Variants in SH3BP1 observed in about 807,000 individuals in gnomAD.
SH3BP1 encodes the protein SH3 domain binding protein 1.
SH3BP1 carries 46 observed loss-of-function variants against 69.8 expected under a neutral mutation model. The observed-to-expected ratio is 0.66, with a 90% CI of 0.52 to 0.84. The LOEUF is 0.84. Among genes scored for constraint, SH3BP1 ranks in the 40% least tolerant of loss-of-function variants. The pLI is 0.00. For synonymous variants in SH3BP1, 403 were observed against 378.0 expected, an observed-to-expected ratio of 1.07 and a Z score of -0.77; for missense variants, 868 against 930.9, an observed-to-expected ratio of 0.93 and a Z score of 0.88.
chr22:37,651,798 C>T (rs199799993), intron 16 of SH3BP1, among the ~76,000 whole-genome samples: 47 of 151,948 alleles, frequency 3.1e-4, no homozygotes, highest in African/African-American at 1.1e-3. Flanking sequence ...GAGAGAGAGA[C>T]AGCATCAAGC....
chr22:37,654,700 G>C (rs148520587), intron 17 of SH3BP1, among the ~76,000 whole-genome samples: 121 of 152,340 alleles, frequency 7.9e-4, no homozygotes, highest in African/African-American at 2.8e-3. Context: ...AGCTGACCAG[G>C]TGAGAGAGTG....
At position 37,643,106 on chromosome 22, in the gene SH3BP1, G is replaced by A; in HGVS notation, c.405G>A (p.Leu135=). 6.2e-7 allele frequency: 1 copy of A among 1,611,000 alleles called. No individual in the cohort carries two copies. The highest frequency in any genetic ancestry group is 2.2e-5 in the East Asian group (1 of 44,756). Residue 135 remains leucine, a synonymous_variant, in exon 6 of 18, where the codon CTG becomes CTA. Coordinates refer to ENST00000649765, the MANE Select transcript of SH3BP1 (RefSeq NM_018957.6). ...QPLSRLSEEE[L]PAILKHKKSL... Reference sequence around the variant, plus strand: ...CCCATGCCCATCCCCAGGAGGAGCTGCCAGCCATCCTCAAACACAAGAAAA... The same window carrying A: ...CCCATGCCCATCCCCAGGAGGAGCTACCAGCCATCCTCAAACACAAGAAAA...
Position 37,641,112 on chromosome 22 carries a change from A to ACC in SH3BP1, c.60-13_60-12dup. 22 of 666,652 alleles carry ACC rather than the reference A, an allele frequency of 3.3e-5. No individual in the cohort carries two copies. Among genetic ancestry groups the ACC allele is most frequent in the Non-Finnish European group, 4.5e-5 (21 of 462,156 alleles). 41.3% of individuals were successfully genotyped at this position (666,652 alleles called of 1,614,324 possible). ...CAGAAGCACTCTCCCCCCCCCCCCC[A>ACC]CCACTCCCCGCAGCACCCCGGAGAC... On this transcript the variant is annotated splice_polypyrimidine_tract_variant and intron_variant, in intron 1 of 17. Transcript: ENST00000649765.
chr22:37,651,450 C>T (rs147275752), intron 16 of SH3BP1, among the ~76,000 whole-genome samples: 3,728 of 151,828 alleles, frequency 0.025, 67 homozygotes, highest in Non-Finnish European at 0.039. Flanking sequence ...CTGCCTTAGC[C>T]TCCCGAATAG....
intron 10 of SH3BP1, 148 bp from the exon 11 acceptor site, chr22:37,646,670 T>G (rs2146057071): frequency 2.2e-6 from 1 of 445,150 alleles, no homozygotes; most frequent in Non-Finnish European, 4.0e-6. Flanking sequence ...TTGAAGCCCG[T>G]GGACACCGTG....
chr22:37,655,313 CAGGTCTCCGGCT>C lies in SH3BP1; in HGVS notation c.1736_1747del (p.Gln579_Ser583delinsPro). Reference sequence around the variant, plus strand: ...AGCCCGGCCCACCATGCCGCCCCCCCAGGTCTCCGGCTCCCGCTCCTCCCCTCCAGCCCCGCC... The same window carrying C: ...AGCCCGGCCCACCATGCCGCCCCCCCCCCGCTCCTCCCCTCCAGCCCCGCC... On this transcript the variant is annotated inframe_deletion, in exon 18 of 18. Coordinates refer to ENST00000649765, the MANE Select transcript of SH3BP1 (RefSeq NM_018957.6). The C allele has an allele frequency of 1.5e-5, 23 of 1,558,986 alleles. No homozygotes were observed. Among genetic ancestry groups the C allele is most frequent in the South Asian group, 3.5e-5 (3 of 86,590 alleles).
At chr22:37,644,604 C>T in intron 7 of SH3BP1, 33 bp from the exon 8 acceptor site, 1 of 1,609,652 alleles carries the variant, frequency 6.2e-7, no homozygotes, top group African/African-American at 1.3e-5. Context: ...CACAGCCTCA[C>T]CCAACGTAAG....
rs771809512 is a variant in SH3BP1, at chr22:37,641,112, A to G, written c.60-14A>G. On this transcript the variant is annotated splice_polypyrimidine_tract_variant and intron_variant, in intron 1 of 17. Coordinates refer to ENST00000649765, the MANE Select transcript of SH3BP1 (RefSeq NM_018957.6). ...CAGAAGCACTCTCCCCCCCCCCCCC[A>G]CCACTCCCCGCAGCACCCCGGAGAC... 6 of 666,790 alleles carry G rather than the reference A, an allele frequency of 9.0e-6. No individual in the cohort carries two copies. The highest frequency in any genetic ancestry group is 1.3e-5 in the Non-Finnish European group (6 of 462,264). The allele number at this position is 666,790 out of a possible 1,614,324, so 41.3% of individuals were successfully genotyped here. A position where few individuals can be genotyped will look rare whatever the true frequency, so the allele number is the denominator to read the frequency against.
Position 37,648,454 on chromosome 22 carries a change from G to A in SH3BP1, c.1316+19G>A. ...AAGAAGGGTGAGGGGCCGCGGGCTG[G>A]GGGAGGTGGCAGGAGGAAGGCAGAT... On this transcript the variant is annotated intron_variant, in intron 14 of 17. Transcript: ENST00000649765. The A allele has an allele frequency of 6.6e-7, 1 of 1,505,536 alleles. No individual in the cohort carries two copies. Among genetic ancestry groups the A allele is most frequent in the Non-Finnish European group, 9.1e-7 (1 of 1,101,334 alleles). 93.3% of individuals were successfully genotyped at this position (1,505,536 alleles called of 1,614,324 possible).
rs1339242640 is a variant in SH3BP1, at chr22:37,643,055, C to T, written c.397-43C>T. 4 of 1,606,950 alleles carry T rather than the reference C, an allele frequency of 2.5e-6. No individual in the cohort carries two copies. In the Middle Eastern group the frequency reaches 5.0e-4, roughly 199 times the overall value. On this transcript the variant is annotated intron_variant, in intron 5 of 17. Transcript: ENST00000649765. ...CCCCCAGCTTCCCCAGCTTCTGGCT[C>T]CCTCCTCCCCCAGCACACTGACCCC...
Position 37,641,453 on chromosome 22 carries a change from G to C in SH3BP1, c.182G>C (p.Ser61Thr), listed in dbSNP as rs754056040. The C allele has an allele frequency of 1.3e-6, 2 of 1,551,054 alleles. No individual in the cohort carries two copies. The highest frequency in any genetic ancestry group is 2.7e-5 in the African/African-American group (2 of 73,084). ...CTGCAGGCCTGTCTGCAGGGCCAGA[G>C]CGGGGCAGACATGGACAAGCGGGTG... ...KRLQACLQGQ[S>T]GADMDKRVKK... The change falls in exon 3 of 18, where the codon AGC becomes ACC. Residue 61 changes from serine (S) to threonine (T), a missense_variant. By Grantham distance (58) the Ser-to-Thr change is moderately conservative. Transcript: ENST00000649765.
chr22:37,645,959 ACTT>A (rs2146055108), intron 10 of SH3BP1, among the ~76,000 whole-genome samples: 1 of 114,686 alleles, frequency 8.7e-6, no homozygotes, highest in East Asian at 2.5e-4. Flanking sequence ...TCTCCCTTAC[ACTT>A]TTTTTTTTTT....
intron 17 of SH3BP1, among the ~76,000 whole-genome samples, chr22:37,654,806 T>TA (rs1932971059): frequency 2.6e-5 from 4 of 151,468 alleles, no homozygotes; most frequent in Admixed American, 6.6e-5. Context: ...TAGTCTACAG[T>TA]AAAATAAAAA....
intron 6 of SH3BP1, 69 bp from the exon 7 acceptor site, chr22:37,643,575 A>T: frequency 1.3e-6 from 2 of 1,598,934 alleles, no homozygotes; most frequent in Non-Finnish European, 1.7e-6. Flanking sequence ...GGTCTGCTGT[A>T]TGGAGGGGAC....
At position 37,650,147 on chromosome 22, in the gene SH3BP1, C is replaced by T; in HGVS notation, c.1317-5C>T. The T allele has an allele frequency of 6.2e-7, 1 of 1,614,068 alleles. No homozygotes were observed. The highest frequency in any genetic ancestry group is 8.5e-7 in the Non-Finnish European group (1 of 1,180,000). On this transcript the variant is annotated splice_region_variant and splice_polypyrimidine_tract_variant and intron_variant, in intron 14 of 17. Transcript: ENST00000649765. The stretch of plus-strand genomic sequence containing the variant: ...TTGCTGAGCAGATGCATCTCTTTGT[C>T]CCAGGGACCAGGCCCAGCTGGATGC...
At chr22:37,645,175 A>G in intron 9 of SH3BP1, 190 bp from the exon 10 acceptor site, 1 of 869,782 alleles carries the variant, frequency 1.1e-6, no homozygotes, top group Non-Finnish European at 1.7e-6. Context: ...AGAAGGAGGC[A>G]ACGGTGGCCT....
At chr22:37,640,114 T>C (rs1398219449) in intron 1 of SH3BP1, among the ~76,000 whole-genome samples, 1 of 152,144 alleles carries the variant, frequency 6.6e-6, no homozygotes, top group African/African-American at 2.4e-5. Context: ...CTCTCTGCCC[T>C]AGGACGCTGG....
rs370386360 is a variant in SH3BP1, at chr22:37,648,397, C to T, written c.1278C>T (p.Val426=). The T allele has an allele frequency of 2.5e-6, 4 of 1,568,646 alleles. No homozygotes were observed. The highest frequency in any genetic ancestry group is 3.5e-6 in the Non-Finnish European group (4 of 1,156,140). The change falls in exon 14 of 18, where the codon GTC becomes GTT. Residue 426 remains valine, a synonymous_variant. Transcript: ENST00000649765. ...NKMTPSNIAI[V]LGPNLLWPPE... is the part of the protein sequence containing the mutation. The stretch of plus-strand genomic sequence containing the variant: ...TGACACCCAGCAACATCGCCATAGT[C>T]CTGGGACCCAACTTGCTGTGGCCAC...
chr22:37,655,720 C>T lies in SH3BP1; in HGVS notation c.*36C>T, dbSNP rs1432174167. ...TCTCCCTAAGCAGCCCTCAGCACCC[C>T]CTCCCTCCCCACCTGGCCCTCCCAG... On this transcript the variant is annotated 3_prime_UTR_variant, in exon 18 of 18. Transcript: ENST00000649765. The T allele has an allele frequency of 9.0e-6, 13 of 1,451,334 alleles. No individual in the cohort carries two copies. The highest frequency in any genetic ancestry group is 1.2e-5 in the Non-Finnish European group (13 of 1,101,232). 89.9% of individuals were successfully genotyped at this position (1,451,334 alleles called of 1,614,324 possible). A position where few individuals can be genotyped will look rare whatever the true frequency, so the allele number is the denominator to read the frequency against.
Sources: allele counts gnomAD v4.1 joint callset (sites outside exome capture counted in the v4.1 genomes callset), GRCh38; gene constraint gnomAD v4.1.1; transcripts MANE v1.5; gene names NCBI Gene and HGNC (gene_info 2026-07-23, HGNC 2026-07-21).